Variants in PDXDC1 observed in about 807,000 individuals in gnomAD.
PDXDC1 encodes the protein pyridoxal-dependent decarboxylase domain-containing protein 1.
PDXDC1 carries 42 observed loss-of-function variants against 100.1 expected under a neutral mutation model. That is an observed-to-expected ratio of 0.42 (90% CI 0.33 to 0.54). PDXDC1 has a LOEUF of 0.54. Among genes scored for constraint, PDXDC1 ranks in the 20% least tolerant of loss-of-function variants. PDXDC1 has a pLI of 0.10. For missense variants in PDXDC1, 636 were observed against 979.2 expected (o/e 0.65, Z 4.68); for synonymous variants, 260 against 371.7 (o/e 0.70, Z 3.46).
intron 16 of PDXDC1, among the ~76,000 whole-genome samples, chr16:15,073,535 C>G (rs2045328864): frequency 1.3e-5 from 2 of 152,154 alleles, no homozygotes; most frequent in Non-Finnish European, 1.5e-5. Context: ...CACAGATTTT[C>G]CTCTGAATAT....
chr16:14,989,856 A>T (rs1346332131), intron 1 of PDXDC1: 1 of 1,541,250 alleles, frequency 6.5e-7, no homozygotes, highest in African/African-American at 1.4e-5. Context: ...ATTGGCAGCC[A>T]CGTCCAGGGC....
chr16:15,131,029 C>T lies in PDXDC1; in HGVS notation c.1400-7850C>T, dbSNP rs967868175. On this transcript the variant is annotated intron_variant, in intron 16 of 16. Transcript: ENST00000535621. The stretch of plus-strand genomic sequence containing the variant: ...ACACCCATGGAAGCCCTACGAGAAA[C>T]GCCTTCCCCCCAAGAACAAGGCCAG... 3.4e-5 allele frequency: 45 copies of T among 1,342,136 alleles called. 1 individual carries two copies. The highest frequency in any genetic ancestry group is 7.6e-5 in the Admixed American group (4 of 52,578). The allele number at this position is 1,342,136 out of a possible 1,614,324, so 83.1% of individuals were successfully genotyped here.
At chr16:15,127,068 G>A in intron 16 of PDXDC1, 1 of 353,694 alleles carries the variant, frequency 2.8e-6, no homozygotes, top group South Asian at 2.2e-5. Flanking sequence ...GATTATAGGC[G>A]TGAGCCACCA....
chr16:15,021,816 T>G lies in PDXDC1; in HGVS notation c.1090-888T>G, dbSNP rs1408444693. On this transcript the variant is annotated intron_variant, in intron 12 of 22. Coordinates refer to ENST00000396410, the MANE Select transcript of PDXDC1 (RefSeq NM_015027.4). ...CTGAGAGCGTAAATCAGCATTCGCC[T>G]CCTCATCCTCCTCTTCCTTCTCTTC... 2.6e-5 allele frequency among the ~76,000 whole-genome samples: 4 copies of G among 152,422 alleles called. No homozygotes were observed. In the South Asian group the frequency reaches 8.3e-4, roughly 32 times the overall value.
At chr16:15,127,894 T>A (rs1305511986) in intron 16 of PDXDC1, 1 of 1,532,230 alleles carries the variant, frequency 6.5e-7, no homozygotes, top group East Asian at 2.4e-5. Flanking sequence ...CAGGGCTGCG[T>A]GACCTAGAAG....
At chr16:15,007,530 C>T (rs1413476190) in intron 6 of PDXDC1, among the ~76,000 whole-genome samples, 10 of 152,252 alleles carry the variant, frequency 6.6e-5, no homozygotes, top group Non-Finnish European at 1.3e-4. Flanking sequence ...AGGACTACAT[C>T]GAGATAAGAC....
intron 13 of PDXDC1, chr16:15,025,437 T>TA (rs1474530128): frequency 6.6e-6 from 1 of 152,666 alleles, no homozygotes; most frequent in Non-Finnish European, 1.5e-5. Context: ...CCCGCCGCCG[T>TA]ACCTTTAAAA....
At chr16:15,096,739 A>G (rs2046370119) in intron 16 of PDXDC1, among the ~76,000 whole-genome samples, 1 of 152,252 alleles carries the variant, frequency 6.6e-6, no homozygotes, top group Admixed American at 6.5e-5. Flanking sequence ...TTAGAGCGCA[A>G]TGGCGCGATC....
chr16:15,063,210 T>C, intron 16 of PDXDC1: 1 of 1,610,754 alleles, frequency 6.2e-7, no homozygotes, highest in Non-Finnish European at 8.5e-7. Context: ...TTCATGGGTT[T>C]CTTGAACTCC....
At chr16:15,152,121 C>T in the PDXDC1 span, among the ~76,000 whole-genome samples, 3 of 143,528 alleles carry the variant, frequency 2.1e-5, no homozygotes, top group African/African-American at 5.0e-5. Flanking sequence ...CACCACCTCT[C>T]GGCAGCATCA....
chr16:15,143,745 T>A (rs1266442756), downstream of PDXDC1, among the ~76,000 whole-genome samples: 1 of 152,138 alleles, frequency 6.6e-6, no homozygotes, highest in Non-Finnish European at 1.5e-5. Flanking sequence ...GCCCTCCCAA[T>A]CCACAACAGA....
chr16:15,131,186 CA>C (rs2048037539), intron 16 of PDXDC1: 1 of 1,589,722 alleles, frequency 6.3e-7, no homozygotes, highest in African/African-American at 1.3e-5. Flanking sequence ...GGCTGGACCA[CA>C]ACGGAGTTGG....
In PDXDC1 at chr16:15,037,356, T is replaced by C. The variant is rs1055320018; in HGVS notation, c.*1081T>C. 1 of 152,162 alleles carries C rather than the reference T, an allele frequency of 6.6e-6. No homozygotes were observed. Among genetic ancestry groups the C allele is most frequent in the Admixed American group, 6.5e-5 (1 of 15,270 alleles). The allele number at this position is 152,162 out of a possible 1,614,324, so 9.4% of individuals were successfully genotyped here. On this transcript the variant is annotated 3_prime_UTR_variant, in exon 23 of 23. Coordinates refer to ENST00000396410, the MANE Select transcript of PDXDC1 (RefSeq NM_015027.4). ...GTCAAGCTTTTGGGAGACCTGAAAA[T>C]GGGAAAATTCACACTGGGTTTCTGG...
At chr16:15,057,745 T>C (rs1332130841) in intron 16 of PDXDC1, among the ~76,000 whole-genome samples, 1 of 152,228 alleles carries the variant, frequency 6.6e-6, no homozygotes, top group Admixed American at 6.5e-5. Flanking sequence ...TTATTGGAAT[T>C]GCAGAGCAAA....
intron 16 of PDXDC1, among the ~76,000 whole-genome samples, chr16:15,098,733 C>T (rs1309824587): frequency 6.6e-6 from 1 of 152,024 alleles, no homozygotes; most frequent in Non-Finnish European, 1.5e-5. Flanking sequence ...ACAAAATTAG[C>T]CTGGCATGGT....
downstream of PDXDC1, among the ~76,000 whole-genome samples, chr16:15,140,463 A>G (rs201972701): frequency 3.8e-4 from 57 of 151,604 alleles, no homozygotes; most frequent in East Asian, 2.1e-3. Flanking sequence ...AAAAAAAAAA[A>G]AAAAGAAAAA....
chr16:15,020,099 G>A (rs1248988344), intron 12 of PDXDC1, among the ~76,000 whole-genome samples: 118 of 135,026 alleles, frequency 8.7e-4, no homozygotes, highest in Admixed American at 1.5e-3. Context: ...GTGACAGAGC[G>A]AGGCTCCGTC....
chr16:15,084,558 T>C (rs1293558245), intron 16 of PDXDC1: 1 of 961,032 alleles, frequency 1.0e-6, no homozygotes, highest in Non-Finnish European at 1.6e-6. Flanking sequence ...CAAGCTTTAA[T>C]ACTATTAACA....
chr16:15,049,292 G>C (rs1386519806), intron 16 of PDXDC1, among the ~76,000 whole-genome samples: 1 of 152,204 alleles, frequency 6.6e-6, no homozygotes, highest in Non-Finnish European at 1.5e-5. Context: ...GCCTCCTACA[G>C]TGCTGGGATT....
Sources: gnomAD v4.1 joint callset for allele counts (sites outside exome capture counted in the v4.1 genomes callset) on GRCh38, gnomAD v4.1.1 for gene constraint, MANE v1.5 for transcripts, NCBI Gene and HGNC (gene_info 2026-07-23, HGNC 2026-07-21) for gene names.